OPHN1: variants seen among roughly 807,000 people sequenced by gnomAD.
OPHN1 encodes oligophrenin-1.
OPHN1 carries 11 observed loss-of-function variants against 60.7 expected under a neutral mutation model. That is an observed-to-expected ratio of 0.18 (90% CI 0.11 to 0.30). The LOEUF (loss-of-function observed/expected upper bound fraction) is 0.30, where lower values mean the gene tolerates loss of function less well. OPHN1 is among the 10% of genes least tolerant of loss of function. The pLI is 1.00. For synonymous variants in OPHN1, 226 were observed against 222.6 expected (o/e 1.02, Z -0.14); for missense variants, 449 against 611.0 (o/e 0.73, Z 2.80).
chrX:68,304,262 A>C (rs2078135002), intron 2 of OPHN1, among the ~76,000 whole-genome samples: 1 of 111,379 alleles, frequency 9.0e-6, no homozygotes, highest in East Asian at 2.8e-4. Context: ...TTTTTCAAAC[A>C]TGATTATACC....
chrX:68,156,815 C>G (rs1405854539), intron 15 of OPHN1, among the ~76,000 whole-genome samples: 1 of 111,341 alleles, frequency 9.0e-6, no homozygotes, highest in African/African-American at 3.3e-5. Context: ...ATGCTTATTT[C>G]CAAAATCAAG....
intron 2 of OPHN1, among the ~76,000 whole-genome samples, chrX:68,392,751 T>C (rs772876690): frequency 5.5e-5 from 6 of 108,816 alleles, no homozygotes; most frequent in Non-Finnish European, 9.5e-5. Flanking sequence ...AGGAGGAATG[T>C]CTGAAGGCCA....
intron 3 of OPHN1, among the ~76,000 whole-genome samples, chrX:68,290,302 A>G (rs746015581): frequency 9.0e-6 from 1 of 111,170 alleles, no homozygotes; most frequent in South Asian, 3.8e-4. Context: ...CTACGAAAAA[A>G]GCTACAAAAA....
chrX:68,169,319 T>G (rs1417135166), intron 15 of OPHN1, among the ~76,000 whole-genome samples: 1 of 111,191 alleles, frequency 9.0e-6, no homozygotes, highest in Non-Finnish European at 1.9e-5. Context: ...TGCTCATGGG[T>G]AGGAAGAATC....
intron 15 of OPHN1, among the ~76,000 whole-genome samples, chrX:68,158,790 C>G (rs1194125603): frequency 3.6e-5 from 4 of 111,891 alleles, no homozygotes; most frequent in Non-Finnish European, 7.5e-5. Flanking sequence ...CTCTAGGTTA[C>G]AAAAGCTCTA....
In OPHN1 at chrX:68,337,050, G is replaced by A. The variant is rs372871391; in HGVS notation, c.155-37954C>T. On this transcript the variant is annotated intron_variant, in intron 2 of 24. Transcript: ENST00000355520. ...CACTCCAGCCTGGGTGACAGAGTGA[G>A]ACTCTGTCCCAAAAAAAAGAAGTAA... 1.2e-4 allele frequency among the ~76,000 whole-genome samples: 13 copies of A among 110,238 alleles called. No homozygotes were observed. The East Asian group carries it at 3.4e-3, about 29-fold the overall frequency.
intron 15 of OPHN1, among the ~76,000 whole-genome samples, chrX:68,191,039 A>T: frequency 8.9e-6 from 1 of 112,038 alleles, no homozygotes; most frequent in South Asian, 3.8e-4. Context: ...CAGGCTTGTG[A>T]GAGATTAGCT....
At chrX:68,102,081 T>G (rs1052655500) in intron 18 of OPHN1, 36 of 112,329 alleles carry the variant, frequency 3.2e-4, no homozygotes, top group African/African-American at 1.1e-3. Context: ...GCAGGGGCCA[T>G]GCTAATCTTC....
intron 2 of OPHN1, among the ~76,000 whole-genome samples, chrX:68,373,405 C>A (rs1257531713): frequency 8.9e-6 from 1 of 111,970 alleles, no homozygotes; most frequent in Admixed American, 9.5e-5. Flanking sequence ...TTTCCTTTAC[C>A]CATTTAATCC....
Position 68,276,501 on chromosome X carries a change from T to C in OPHN1, c.313-1692A>G, listed in dbSNP as rs1355770620. On this transcript the variant is annotated intron_variant, in intron 4 of 24. Coordinates refer to ENST00000355520, the MANE Select transcript of OPHN1 (RefSeq NM_002547.3). ...TGGTATCAAAAAAAAATTACACCAG[T>C]GACTCTCCTTAATTGAAAATAAGAC... 1.6e-4 allele frequency among the ~76,000 whole-genome samples: 18 copies of C among 111,685 alleles called. No individual in the cohort carries two copies. The Admixed American group carries it at 1.7e-3, about 11-fold the overall frequency.
intron 2 of OPHN1, among the ~76,000 whole-genome samples, chrX:68,405,544 T>A (rs183318483): frequency 1.5e-3 from 167 of 111,165 alleles, no homozygotes; most frequent in Non-Finnish European, 2.7e-3. Flanking sequence ...ACAGCCACAC[T>A]CCTGCATTAC....
intron 11 of OPHN1, among the ~76,000 whole-genome samples, 168 bp downstream of exon 11, chrX:68,201,451 T>A (rs1420946737): frequency 9.0e-6 from 1 of 111,484 alleles, no homozygotes; most frequent in Non-Finnish European, 1.9e-5. Context: ...CTAGCAGGGA[T>A]CCCTGGGAAG....
intron 5 of OPHN1, among the ~76,000 whole-genome samples, chrX:68,269,912 T>C (rs1452436774): frequency 9.0e-6 from 1 of 111,175 alleles, no homozygotes; most frequent in Non-Finnish European, 1.9e-5. Flanking sequence ...AACAACCCCA[T>C]CAAAAAGTGG....
In OPHN1 at chrX:68,208,727, T is replaced by C. The variant is rs2077571291; in HGVS notation, c.832+1426A>G. Reference sequence around the variant, plus strand: ...AGAAGGATCACACAGCATACAGCAGTGGTTCTCAACTAGGGGTAATTTGGC... The same window carrying C: ...AGAAGGATCACACAGCATACAGCAGCGGTTCTCAACTAGGGGTAATTTGGC... On this transcript the variant is annotated intron_variant, in intron 9 of 24. Transcript: ENST00000355520. Among the ~76,000 whole-genome samples the C allele has an allele frequency of 4.5e-5, 5 of 112,010 alleles. No homozygotes were observed. The Admixed American group carries it at 4.7e-4, about 11-fold the overall frequency.
intron 19 of OPHN1, among the ~76,000 whole-genome samples, chrX:68,087,076 A>G (rs1246365462): frequency 8.9e-6 from 1 of 112,300 alleles, no homozygotes; most frequent in Non-Finnish European, 1.9e-5. Flanking sequence ...AAACTCCAGA[A>G]AAAGGACAGA....
At chrX:68,218,069 C>T (rs1227737043) in intron 6 of OPHN1, among the ~76,000 whole-genome samples, 1 of 80,098 alleles carries the variant, frequency 1.2e-5, no homozygotes. Flanking sequence ...ATAACCAATA[C>T]AGAGAAGTGC....
intron 2 of OPHN1, among the ~76,000 whole-genome samples, chrX:68,429,695 C>T (rs755393855): frequency 5.4e-5 from 6 of 111,519 alleles, no homozygotes; most frequent in Middle Eastern, 4.6e-3. Context: ...TGTACTCCAG[C>T]CTGGGCAACA....
intron 15 of OPHN1, among the ~76,000 whole-genome samples, chrX:68,134,600 G>A (rs1217285878): frequency 9.0e-6 from 1 of 111,317 alleles, no homozygotes. Flanking sequence ...CCTCTAAAGG[G>A]AAAAGGTCTG....
chrX:68,411,529 A>C (rs1048761901), intron 2 of OPHN1, among the ~76,000 whole-genome samples: 9 of 112,264 alleles, frequency 8.0e-5, no homozygotes, highest in Admixed American at 3.8e-4. Flanking sequence ...AGCGATGCTG[A>C]GCATTTTTTC....
Sources: allele counts gnomAD v4.1 joint callset (sites outside exome capture counted in the v4.1 genomes callset), GRCh38; gene constraint gnomAD v4.1.1; transcripts MANE v1.5; gene names NCBI Gene and HGNC (gene_info 2026-07-23, HGNC 2026-07-21).